Variants in CCDC7 observed in about 807,000 individuals in gnomAD.
CCDC7 encodes the protein coiled-coil domain containing 7, also known as coiled-coil domain-containing protein 7.
CCDC7 carries 183 observed loss-of-function variants against 196.9 expected under a neutral mutation model. The ratio of observed to expected loss-of-function variants is 0.93; its 90% CI spans 0.82 to 1.05. CCDC7 has a LOEUF of 1.05. CCDC7 is among the 50% of genes least tolerant of loss of function. The pLI, the probability that CCDC7 is intolerant of heterozygous loss-of-function variation, is 0.00. For synonymous variants in CCDC7, 525 were observed against 484.6 expected (o/e 1.08, Z -1.10); for missense variants, 1,540 against 1,482.2 (o/e 1.04, Z -0.64).
intron 8 of CCDC7, among the ~76,000 whole-genome samples, chr10:32,476,397 A>C (rs1046509917): frequency 6.6e-6 from 1 of 152,004 alleles, no homozygotes; most frequent in African/African-American, 2.4e-5. Context: ...TTGACAGTTT[A>C]TTTCTTTTTA....
intron 15 of CCDC7, among the ~76,000 whole-genome samples, chr10:32,570,937 T>C (rs889670884): frequency 6.6e-6 from 1 of 151,094 alleles, no homozygotes; most frequent in African/African-American, 2.4e-5. Flanking sequence ...ATTTATACTA[T>C]AGGAAAATAT....
intron 20 of CCDC7, among the ~76,000 whole-genome samples, chr10:32,642,064 T>TG (rs2066905911): frequency 6.6e-6 from 1 of 152,158 alleles, no homozygotes; most frequent in Admixed American, 6.5e-5. Flanking sequence ...CTGCCCCTAC[T>TG]GGGGGGTGCC....
chr10:32,469,466 G>C (rs2037496675), intron 5 of CCDC7, among the ~76,000 whole-genome samples: 2 of 152,188 alleles, frequency 1.3e-5, no homozygotes, highest in African/African-American at 4.8e-5. Flanking sequence ...TGGGCTGCAA[G>C]GCTGGTGGAG....
chr10:32,566,425 A>C (rs551403469), intron 14 of CCDC7, among the ~76,000 whole-genome samples: 2 of 152,248 alleles, frequency 1.3e-5, no homozygotes, highest in East Asian at 3.9e-4. Context: ...TAATAGCAAA[A>C]ATTTTGAAAT....
chr10:32,751,906 G>C (rs2075722806), intron 28 of CCDC7, among the ~76,000 whole-genome samples: 1 of 152,128 alleles, frequency 6.6e-6, no homozygotes, highest in Non-Finnish European at 1.5e-5. Context: ...TCTATCGGCA[G>C]AGAACGTGAT....
intron 21 of CCDC7, among the ~76,000 whole-genome samples, chr10:32,675,096 A>T (rs189979554): frequency 6.6e-6 from 1 of 152,180 alleles, no homozygotes; most frequent in Admixed American, 6.5e-5. Flanking sequence ...ATTTATATTT[A>T]AAATTATTAT....
chr10:32,732,019 C>A (rs1473441710), intron 28 of CCDC7, among the ~76,000 whole-genome samples: 2 of 152,104 alleles, frequency 1.3e-5, no homozygotes. Flanking sequence ...CCACTGCACT[C>A]CAGCCTGGGC....
chr10:32,498,828 T>C (rs1278873486), intron 9 of CCDC7, among the ~76,000 whole-genome samples: 1 of 151,800 alleles, frequency 6.6e-6, no homozygotes, highest in Non-Finnish European at 1.5e-5. Flanking sequence ...TTTTTTTTTT[T>C]CATTTCTACC....
intron 25 of CCDC7, among the ~76,000 whole-genome samples, chr10:32,720,864 GGTA>G (rs2082307136): frequency 6.6e-6 from 1 of 152,034 alleles, no homozygotes; most frequent in South Asian, 2.1e-4. Flanking sequence ...GACCGAAGTG[GGTA>G]TATTGCTTGA....
At chr10:32,559,304 G>A (rs1373132015) in intron 13 of CCDC7, among the ~76,000 whole-genome samples, 1 of 152,246 alleles carries the variant, frequency 6.6e-6, no homozygotes, top group Non-Finnish European at 1.5e-5. Flanking sequence ...CTGTCTGACA[G>A]CTTTGAAGAG....
chr10:32,837,608 A>G (rs921021795), intron 33 of CCDC7, among the ~76,000 whole-genome samples: 3 of 152,126 alleles, frequency 2.0e-5, no homozygotes, highest in African/African-American at 7.2e-5. Context: ...ACAAGCTGCT[A>G]TAAAGACACA....
chr10:32,816,753 C>T (rs1181469125), intron 31 of CCDC7, among the ~76,000 whole-genome samples: 1 of 152,156 alleles, frequency 6.6e-6, no homozygotes, highest in East Asian at 1.9e-4. Flanking sequence ...CAGCAAACTC[C>T]AACAGACCTG....
intron 29 of CCDC7, among the ~76,000 whole-genome samples, chr10:32,801,114 C>T (rs1185836720): frequency 1.3e-5 from 2 of 152,166 alleles, no homozygotes; most frequent in Non-Finnish European, 2.9e-5. Flanking sequence ...ACTGTGGTTC[C>T]CACTGTAAGA....
At chr10:32,632,867 A>G (rs188982763) in intron 18 of CCDC7, among the ~76,000 whole-genome samples, 2 of 152,176 alleles carry the variant, frequency 1.3e-5, no homozygotes, top group African/African-American at 4.8e-5. Flanking sequence ...CATATTGCAT[A>G]TCTTAGAGAT....
chr10:32,606,743 T>C (rs1435072860), intron 18 of CCDC7, among the ~76,000 whole-genome samples: 1 of 152,238 alleles, frequency 6.6e-6, no homozygotes, highest in Non-Finnish European at 1.5e-5. Flanking sequence ...ATGCCTGTAC[T>C]GTATCTAGAA....
intron 41 of CCDC7, among the ~76,000 whole-genome samples, chr10:32,873,186 A>T (rs932275833): frequency 6.6e-6 from 1 of 152,104 alleles, no homozygotes; most frequent in African/African-American, 2.4e-5. Context: ...AATCAGACAT[A>T]GATTTGGTCT....
intron 16 of CCDC7, among the ~76,000 whole-genome samples, chr10:32,582,276 G>A (rs1265774109): frequency 6.6e-6 from 1 of 151,450 alleles, no homozygotes; most frequent in African/African-American, 2.4e-5. Context: ...TCTTCTGTGA[G>A]ACCAAACTTC....
chr10:32,849,591 T>A (rs2093457720), intron 39 of CCDC7, among the ~76,000 whole-genome samples: 1 of 149,944 alleles, frequency 6.7e-6, no homozygotes, highest in Non-Finnish European at 1.5e-5. Context: ...TAGTCCCAGC[T>A]ACTTGGGAGG....
Position 32,526,946 on chromosome 10 carries a change from T to G in CCDC7, c.993+8441T>G, listed in dbSNP as rs569305471. On this transcript the variant is annotated intron_variant, in intron 11 of 41. Coordinates refer to ENST00000639629, the Ensembl canonical transcript of CCDC7. The stretch of plus-strand genomic sequence containing the variant: ...TAGGTCACGTGCCACCCAAGTTTAC[T>G]GGCTTTAAGCCCAACCCTAGCCCTA... Among the ~76,000 whole-genome samples, 77 of 152,170 alleles carry G rather than the reference T, an allele frequency of 5.1e-4. 1 individual carries two copies. Among genetic ancestry groups the G allele is most frequent in the Admixed American group, 1.4e-3 (22 of 15,288 alleles).
Sources: allele counts gnomAD v4.1 joint callset (sites outside exome capture counted in the v4.1 genomes callset), GRCh38; gene constraint gnomAD v4.1.1; transcripts MANE v1.5; gene names NCBI Gene and HGNC (gene_info 2026-07-23, HGNC 2026-07-21).